The following CCNH variants were observed in gnomAD, a reference collection of about 807,000 sequenced individuals.
CCNH encodes the protein cyclin H, also known as cyclin-H.
Under a neutral mutation model 41.9 loss-of-function variants are expected in CCNH, and 31 were observed. The ratio of observed to expected loss-of-function variants is 0.74; its 90% confidence interval spans 0.56 to 1.00. CCNH has a LOEUF of 1.00. Among genes scored for constraint, CCNH ranks in the 50% least tolerant of loss-of-function variants. CCNH has a pLI of 0.00. For synonymous variants in CCNH, 138 were observed against 136.1 expected (o/e 1.01, Z -0.10); for missense variants, 362 against 388.4 (o/e 0.93, Z 0.57).
downstream of CCNH, among the ~76,000 whole-genome samples, chr5:87,388,190 A>G (rs1561332299): frequency 6.6e-6 from 1 of 152,192 alleles, no homozygotes; most frequent in Non-Finnish European, 1.5e-5. Context: ...TCTGAAGGCA[A>G]ATATGGAGTC....
chr5:87,379,998 T>A, upstream of CCNH: 1 of 876,304 alleles, frequency 1.1e-6, no homozygotes, highest in Non-Finnish European at 1.7e-6. Flanking sequence ...GAATTGTATT[T>A]AAAGAAAATA....
At chr5:87,367,045 C>A (rs1244981242) in intron 9 of CCNH, among the ~76,000 whole-genome samples, 1 of 152,114 alleles carries the variant, frequency 6.6e-6, no homozygotes, top group Non-Finnish European at 1.5e-5. Context: ...AAAACTAAAC[C>A]AAAAACAACA....
At chr5:87,363,209 CATT>C (rs1378132067) in intron 9 of CCNH, 9 of 785,932 alleles carry the variant, frequency 1.1e-5, no homozygotes, top group Non-Finnish European at 1.6e-5. Flanking sequence ...GGCATTTTCT[CATT>C]ATGTAAGAAT....
chr5:87,374,745 C>A, downstream of CCNH: 1 of 1,504,166 alleles, frequency 6.6e-7, no homozygotes, highest in Non-Finnish European at 8.9e-7. Context: ...TTTTTTAAAG[C>A]AGAAATAGGG....
chr5:87,355,075 A>G (rs1369237136), intron 9 of CCNH, among the ~76,000 whole-genome samples: 1 of 152,216 alleles, frequency 6.6e-6, no homozygotes, highest in Non-Finnish European at 1.5e-5. Flanking sequence ...TGTACGGTGA[A>G]GCAAAGAAAC....
upstream of CCNH, chr5:87,378,675 A>C (rs1761491030): frequency 1.1e-6 from 1 of 894,012 alleles, no homozygotes; most frequent in South Asian, 1.7e-5. Flanking sequence ...CCTGTCTGTA[A>C]TACATTTATA....
In CCNH at chr5:87,385,021, A is replaced by C. The variant is rs548411115; in HGVS notation, c.*90+7749T>G. On this transcript the variant is annotated intron_variant and NMD_transcript_variant, in intron 9 of 9. Transcript: ENST00000645953. ...GTAAAGCTTTGAGGTCCTTTGAAAT[A>C]GTATCAACCGTTGGAAACTGCTGAG... Among the ~76,000 whole-genome samples, 151 of 152,208 alleles carry C rather than the reference A, an allele frequency of 9.9e-4. 1 individual carries two copies. Among genetic ancestry groups the C allele is most frequent in the African/African-American group, 3.6e-3 (150 of 41,556 alleles).
At chr5:87,377,284 C>T (rs1161347427), upstream of CCNH, 3 of 518,724 alleles carry the variant, frequency 5.8e-6, no homozygotes, top group African/African-American at 5.8e-5. Flanking sequence ...AAGGTGGTAT[C>T]TGTGTCTACA....
At chr5:87,396,086 TTTC>T (rs1215686130) in intron 7 of CCNH, among the ~76,000 whole-genome samples, 4 of 151,100 alleles carry the variant, frequency 2.6e-5, no homozygotes, top group African/African-American at 7.3e-5. Flanking sequence ...TACAGAATTT[TTTC>T]TTATTATTCC....
intron 9 of CCNH, chr5:87,333,465 T>TA: frequency 7.1e-7 from 1 of 1,416,060 alleles, no homozygotes; most frequent in Non-Finnish European, 9.5e-7. Context: ...GAGCTTTTGA[T>TA]ATTGGGTCTG....
At position 87,333,609 on chromosome 5, in the gene CCNH, C is replaced by A. The variant is rs200153311; in HGVS notation, c.*91-14712G>T. ...TCACAAAGTAAGGAGAGTTCTGCTT[C>A]AATCTATATGCTATGTAAATTTTTG... On this transcript the variant is annotated intron_variant and NMD_transcript_variant, in intron 9 of 9. Coordinates refer to the CCNH transcript ENST00000645953. 2.4e-3 allele frequency among the ~76,000 whole-genome samples: 370 copies of A among 152,290 alleles called. 4 individuals carry two copies. The highest frequency in any genetic ancestry group is 3.3e-3 in the East Asian group (17 of 5,188).
upstream of CCNH, among the ~76,000 whole-genome samples, chr5:87,377,886 A>T (rs925288263): frequency 1.3e-5 from 2 of 152,220 alleles, no homozygotes; most frequent in African/African-American, 4.8e-5. Context: ...AATAGATAAA[A>T]TGGTGGTCCT....
At chr5:87,331,047 T>G in intron 9 of CCNH, 1 of 1,253,014 alleles carries the variant, frequency 8.0e-7, no homozygotes, top group Non-Finnish European at 1.1e-6. Context: ...CTGGTTGCAG[T>G]AGTGTTTATA....
the CCNH span, among the ~76,000 whole-genome samples, chr5:87,311,679 T>C: frequency 2.6e-5 from 4 of 152,140 alleles, no homozygotes; most frequent in Non-Finnish European, 4.4e-5. Flanking sequence ...CCAGGAGAAC[T>C]CACCTGAGTC....
chr5:87,341,756 G>T (rs181617144), intron 9 of CCNH, among the ~76,000 whole-genome samples: 1 of 151,744 alleles, frequency 6.6e-6, no homozygotes, highest in African/African-American at 2.4e-5. Context: ...CTGATTTTAT[G>T]TATATGTAAG....
At chr5:87,412,632 A>C (rs891636049) in intron 1 of CCNH, 46 bp downstream of exon 1, 3 of 1,607,104 alleles carry the variant, frequency 1.9e-6, no homozygotes, top group South Asian at 1.1e-5. Context: ...GCAGCTGCTC[A>C]GAATTTAGTG....
upstream of CCNH, chr5:87,379,593 C>A: frequency 8.5e-7 from 1 of 1,170,232 alleles, no homozygotes; most frequent in South Asian, 1.6e-5. Context: ...TAAAAACTCC[C>A]ATTATACAAA....
At chr5:87,358,599 G>A (rs1169593359) in intron 9 of CCNH, among the ~76,000 whole-genome samples, 3 of 152,192 alleles carry the variant, frequency 2.0e-5, no homozygotes, top group African/African-American at 7.2e-5. Flanking sequence ...CTGCGCAGCA[G>A]TCACTGGGAT....
downstream of CCNH, chr5:87,374,831 C>A (rs773095453): frequency 6.2e-7 from 1 of 1,608,448 alleles, no homozygotes; most frequent in Non-Finnish European, 8.5e-7. Context: ...TTTCTCCTTG[C>A]TCCTTTAGTG....
Sources: gnomAD v4.1 joint callset for allele counts (sites outside exome capture counted in the v4.1 genomes callset) on GRCh38, gnomAD v4.1.1 for gene constraint, MANE v1.5 for transcripts, NCBI Gene and HGNC (gene_info 2026-07-23, HGNC 2026-07-21) for gene names.